The following SLC39A11 variants were observed in gnomAD, a reference collection of about 807,000 sequenced individuals.
SLC39A11 encodes the protein solute carrier family 39 member 11, also known as zinc transporter ZIP11.
Under a neutral mutation model 36.1 loss-of-function variants are expected in SLC39A11, and 33 were observed. The observed-to-expected ratio is 0.91, with a 90% confidence interval of 0.69 to 1.22. SLC39A11 has a LOEUF of 1.22. Ranked by LOEUF, SLC39A11 falls within the 50% of genes most tolerant of loss-of-function variation. The pLI, the probability that SLC39A11 is intolerant of heterozygous loss-of-function variation, is 0.00. For missense variants in SLC39A11, 432 were observed against 430.3 expected (o/e 1.00, Z -0.03); for synonymous variants, 166 against 170.3 (o/e 0.97, Z 0.20).
intron 5 of SLC39A11, among the ~76,000 whole-genome samples, chr17:72,900,121 G>A (rs201570680): frequency 8.4e-6 from 1 of 118,720 alleles, no homozygotes; most frequent in Admixed American, 8.5e-5. Context: ...AAGAAAGAAA[G>A]AAAAGAAAGA....
intron 4 of SLC39A11, among the ~76,000 whole-genome samples, chr17:72,988,453 C>G (rs1416552893): frequency 6.6e-6 from 1 of 152,166 alleles, no homozygotes; most frequent in Non-Finnish European, 1.5e-5. Context: ...AGAGCGAGAA[C>G]TTGTCTCAAA....
intron 6 of SLC39A11, among the ~76,000 whole-genome samples, chr17:72,803,883 C>T (rs146430038): frequency 1.3e-5 from 2 of 152,110 alleles, no homozygotes; most frequent in Non-Finnish European, 2.9e-5. Flanking sequence ...AGCCCTCATC[C>T]GTCATATCCC....
intron 3 of SLC39A11, among the ~76,000 whole-genome samples, chr17:73,055,186 T>C (rs2059626959): frequency 6.6e-6 from 1 of 151,596 alleles, no homozygotes; most frequent in East Asian, 1.9e-4. Context: ...TTCTGGGGAG[T>C]CGAGGGGGGA....
At position 72,849,691 on chromosome 17, in the gene SLC39A11, T is replaced by C. The variant is rs1163470202; in HGVS notation, c.544A>G (p.Ser182Gly). Residue 182 changes from serine to glycine, a missense_variant, in exon 6 of 10, where the codon AGC becomes GGC. Physicochemically the swap from Ser to Gly is moderately conservative, Grantham distance 56 (BLOSUM62 0). Transcript: ENST00000255559. ...SRGNLAQPGG[S>G]SWRRIALLIL... The stretch of plus-strand genomic sequence containing the variant: ...AGCAGTGCGATCCTCCTCCAGCTGC[T>C]GCCGCCGGGCTGTGCCAGATTCCCT... 1.2e-6 allele frequency: 2 copies of C among 1,609,556 alleles called. No individual in the cohort carries two copies. The highest frequency in any genetic ancestry group is 3.4e-5 in the Admixed American group (2 of 59,048).
chr17:73,085,508 C>T (rs575585752), intron 2 of SLC39A11, among the ~76,000 whole-genome samples: 8 of 151,952 alleles, frequency 5.3e-5, no homozygotes, highest in South Asian at 2.1e-4. Flanking sequence ...TAGTCAAGCA[C>T]GGTAATGCAT....
intron 6 of SLC39A11, among the ~76,000 whole-genome samples, chr17:72,759,170 C>A (rs1193051017): frequency 6.6e-6 from 1 of 150,928 alleles, no homozygotes; most frequent in African/African-American, 2.4e-5. Flanking sequence ...AATACAGATA[C>A]CAGATAGCAG....
intron 6 of SLC39A11, among the ~76,000 whole-genome samples, chr17:72,793,193 A>C (rs375798525): frequency 6.6e-6 from 1 of 152,162 alleles, no homozygotes; most frequent in South Asian, 2.1e-4. Context: ...GGATGGGCTT[A>C]TGGCAAAGCA....
At chr17:72,945,819 G>A (rs367552067) in intron 5 of SLC39A11, among the ~76,000 whole-genome samples, 7 of 152,266 alleles carry the variant, frequency 4.6e-5, no homozygotes, top group African/African-American at 1.4e-4. Flanking sequence ...CCCTGACCCC[G>A]TCCCGGCTGT....
intron 5 of SLC39A11, among the ~76,000 whole-genome samples, chr17:72,922,551 A>C (rs1342402467): frequency 6.6e-6 from 1 of 152,260 alleles, no homozygotes; most frequent in Non-Finnish European, 1.5e-5. Flanking sequence ...AGGAATAAAA[A>C]TAACCATTTC....
chr17:73,058,566 TACA>T (rs1289839776), intron 3 of SLC39A11, among the ~76,000 whole-genome samples: 1 of 151,878 alleles, frequency 6.6e-6, no homozygotes, highest in Non-Finnish European at 1.5e-5. Context: ...CTACTAAAAA[TACA>T]ACAATTAGCC....
chr17:72,676,004 C>G (rs2071240762), intron 7 of SLC39A11, among the ~76,000 whole-genome samples: 1 of 151,778 alleles, frequency 6.6e-6, no homozygotes, highest in Non-Finnish European at 1.5e-5. Flanking sequence ...ACTTGAGGAT[C>G]CTGCCCAGCC....
intron 5 of SLC39A11, among the ~76,000 whole-genome samples, chr17:72,909,879 GGGA>G (rs2082885957): frequency 1.3e-5 from 2 of 151,488 alleles, no homozygotes; most frequent in Non-Finnish European, 3.0e-5. Context: ...CCGAGTAGCT[GGGA>G]CTCCAGGCGC....
intron 3 of SLC39A11, among the ~76,000 whole-genome samples, chr17:73,043,083 T>C (rs1214659614): frequency 6.6e-6 from 1 of 151,988 alleles, no homozygotes; most frequent in African/African-American, 2.4e-5. Context: ...ATTAAGAAAG[T>C]CTGCAGTCAT....
chr17:72,893,815 C>T (rs1251913625), intron 5 of SLC39A11, among the ~76,000 whole-genome samples: 1 of 152,088 alleles, frequency 6.6e-6, no homozygotes, highest in Non-Finnish European at 1.5e-5. Flanking sequence ...CTGGATAAGT[C>T]CCATTGTTGG....
At chr17:72,738,593 G>A (rs1167558743) in intron 6 of SLC39A11, among the ~76,000 whole-genome samples, 1 of 152,118 alleles carries the variant, frequency 6.6e-6, no homozygotes, top group Non-Finnish European at 1.5e-5. Flanking sequence ...CAGTGGCCAC[G>A]GACCAAAGGA....
intron 7 of SLC39A11, among the ~76,000 whole-genome samples, chr17:72,726,746 A>G (rs1038477427): frequency 2.6e-5 from 4 of 152,198 alleles, no homozygotes; most frequent in Non-Finnish European, 5.9e-5. Context: ...ATCAACATAT[A>G]TATGTATAAG....
chr17:72,778,325 G>A (rs1023015375), intron 6 of SLC39A11, among the ~76,000 whole-genome samples: 1 of 152,176 alleles, frequency 6.6e-6, no homozygotes, highest in African/African-American at 2.4e-5. Context: ...GGAGGCCCCG[G>A]TCTCAGCCCC....
intron 6 of SLC39A11, among the ~76,000 whole-genome samples, chr17:72,751,211 G>A (rs2075142952): frequency 6.6e-6 from 1 of 152,192 alleles, no homozygotes; most frequent in Non-Finnish European, 1.5e-5. Context: ...TCACACCACT[G>A]TACTCCAGCC....
intron 7 of SLC39A11, among the ~76,000 whole-genome samples, chr17:72,728,374 C>T (rs1413194857): frequency 1.3e-5 from 2 of 151,222 alleles, no homozygotes; most frequent in African/African-American, 2.4e-5. Context: ...CCCAGGGGGT[C>T]GAGGGTGCAG....
Sources: gnomAD v4.1 joint callset for allele counts (sites outside exome capture counted in the v4.1 genomes callset) on GRCh38, gnomAD v4.1.1 for gene constraint, MANE v1.5 for transcripts, NCBI Gene and HGNC (gene_info 2026-07-23, HGNC 2026-07-21) for gene names.